The following PCED1B variants were observed in gnomAD, a reference collection of about 807,000 sequenced individuals.
The protein encoded by PCED1B is PC-esterase domain containing 1B.
For missense variants in PCED1B, 573 were observed against 573.9 expected, an observed-to-expected ratio of 1.00 and a Z score of 0.02; for synonymous variants, 251 against 246.1, an observed-to-expected ratio of 1.02 and a Z score of -0.19.
chr12:47,202,391 T>C (rs1206496751), intron 2 of PCED1B, among the ~76,000 whole-genome samples: 1 of 152,088 alleles, frequency 6.6e-6, no homozygotes, highest in African/African-American at 2.4e-5. Flanking sequence ...AAACCATTAC[T>C]GGCTTTTGCT....
At chr12:47,222,594 TC>T (rs1456353641) in intron 3 of PCED1B, among the ~76,000 whole-genome samples, 1 of 152,130 alleles carries the variant, frequency 6.6e-6, no homozygotes, top group African/African-American at 2.4e-5. Flanking sequence ...ATAGCTACAT[TC>T]ACTGAGCACT....
chr12:47,143,052 C>A (rs1026870436), intron 2 of PCED1B, among the ~76,000 whole-genome samples: 1 of 152,012 alleles, frequency 6.6e-6, no homozygotes, highest in African/African-American at 2.4e-5. Context: ...GGTATAGAAA[C>A]AATTTACCTC....
intron 2 of PCED1B, among the ~76,000 whole-genome samples, chr12:47,127,716 A>G (rs1203825242): frequency 1.3e-5 from 2 of 152,120 alleles, no homozygotes; most frequent in African/African-American, 2.4e-5. Flanking sequence ...TATACTTTAT[A>G]AAACTTAAAT....
At chr12:47,150,643 C>T (rs1940956684) in intron 2 of PCED1B, among the ~76,000 whole-genome samples, 1 of 151,194 alleles carries the variant, frequency 6.6e-6, no homozygotes, top group Non-Finnish European at 1.5e-5. Context: ...AAGTGGGGGA[C>T]TCACCCATGT....
At chr12:47,088,744 G>A (rs1938109159) in intron 1 of PCED1B, among the ~76,000 whole-genome samples, 1 of 152,198 alleles carries the variant, frequency 6.6e-6, no homozygotes, top group Non-Finnish European at 1.5e-5. Flanking sequence ...ACAAGTTGCT[G>A]AAGGATGAGT....
intron 1 of PCED1B, among the ~76,000 whole-genome samples, chr12:47,092,881 G>A (rs372747107): frequency 4.6e-5 from 7 of 152,182 alleles, no homozygotes; most frequent in African/African-American, 1.7e-4. Context: ...TGTATCAATG[G>A]ATTTGGCTTC....
At chr12:47,229,616 T>G (rs572054097) in intron 3 of PCED1B, among the ~76,000 whole-genome samples, 1 of 152,260 alleles carries the variant, frequency 6.6e-6, no homozygotes, top group African/African-American at 2.4e-5. Flanking sequence ...TACAATACTT[T>G]AAATTTTGTG....
chr12:47,225,267 C>T (rs541846704), intron 3 of PCED1B, among the ~76,000 whole-genome samples: 5 of 152,166 alleles, frequency 3.3e-5, no homozygotes, highest in Non-Finnish European at 7.3e-5. Context: ...TTTACCACAG[C>T]ATAGCATCTC....
chr12:47,229,646 G>A (rs1361880692), intron 3 of PCED1B, among the ~76,000 whole-genome samples: 1 of 152,146 alleles, frequency 6.6e-6, no homozygotes, highest in Non-Finnish European at 1.5e-5. Flanking sequence ...AAGTTTGTGT[G>A]CATTGAACCA....
chr12:47,212,209 G>A (rs184354144), intron 2 of PCED1B, among the ~76,000 whole-genome samples: 1 of 152,132 alleles, frequency 6.6e-6, no homozygotes, highest in Non-Finnish European at 1.5e-5. Flanking sequence ...GAGCCCGGAG[G>A]TGGAGGTTTC....
At position 47,136,106 on chromosome 12, in the gene PCED1B, A is replaced by G. The variant is rs1940361008; in HGVS notation, c.-526+31911A>G. On this transcript the variant is annotated intron_variant, in intron 2 of 3. Transcript: ENST00000546455. ...CTTTCTTTTTTTTTTTTTTTGGCCAATTTGATAGATATATCATGTTTTGGT... is the reference window on the plus strand; with the variant it reads ...CTTTCTTTTTTTTTTTTTTTGGCCAGTTTGATAGATATATCATGTTTTGGT... 5.0e-5 allele frequency among the ~76,000 whole-genome samples: 5 copies of G among 99,454 alleles called. No homozygotes were observed. In the South Asian group the frequency reaches 1.3e-3, roughly 25 times the overall value. 65.2% of individuals were successfully genotyped at this position (99,454 alleles called of 152,430 possible).
intron 2 of PCED1B, among the ~76,000 whole-genome samples, chr12:47,141,897 ACCC>A (rs1202505642): frequency 2.0e-3 from 306 of 152,102 alleles, no homozygotes; most frequent in African/African-American, 7.1e-3. Context: ...CCACCAAAGG[ACCC>A]AGGAGGAGGC....
intron 3 of PCED1B, among the ~76,000 whole-genome samples, chr12:47,217,262 C>T (rs1235921859): frequency 1.3e-5 from 2 of 151,428 alleles, no homozygotes; most frequent in African/African-American, 4.9e-5. Flanking sequence ...ATTAGCCAGG[C>T]ATGGTGGCAC....
At chr12:47,128,803 G>T (rs1330580634) in intron 2 of PCED1B, among the ~76,000 whole-genome samples, 1 of 152,330 alleles carries the variant, frequency 6.6e-6, no homozygotes. Context: ...CTTCTGAGTT[G>T]AATTATATGT....
At chr12:47,222,734 T>G (rs1367679314) in intron 3 of PCED1B, among the ~76,000 whole-genome samples, 1 of 151,678 alleles carries the variant, frequency 6.6e-6, no homozygotes, top group Non-Finnish European at 1.5e-5. Flanking sequence ...GGTTGCTTAA[T>G]AGGCCCAGGG....
At chr12:47,137,057 AC>A (rs1940403793) in intron 2 of PCED1B, among the ~76,000 whole-genome samples, 1 of 152,234 alleles carries the variant, frequency 6.6e-6, no homozygotes, top group Non-Finnish European at 1.5e-5. Flanking sequence ...TATTTTGCAA[AC>A]TATGCAACAC....
chr12:47,152,629 A>T (rs1288496563), intron 2 of PCED1B, among the ~76,000 whole-genome samples: 1 of 152,188 alleles, frequency 6.6e-6, no homozygotes, highest in African/African-American at 2.4e-5. Flanking sequence ...CATCAATGTT[A>T]TCTTCTAAAA....
chr12:47,139,379 G>C (rs1262219555), intron 2 of PCED1B, among the ~76,000 whole-genome samples: 35 of 133,078 alleles, frequency 2.6e-4, no homozygotes, highest in Non-Finnish European at 6.1e-4. Flanking sequence ...CCTGCACTGG[G>C]GGAGGGTCAG....
At chr12:47,100,030 C>T (rs553583925) in intron 1 of PCED1B, among the ~76,000 whole-genome samples, 1 of 152,338 alleles carries the variant, frequency 6.6e-6, no homozygotes, top group East Asian at 1.9e-4. Flanking sequence ...GAAAAAGGAC[C>T]ATTCTCACAG....
Sources: allele counts gnomAD v4.1 joint callset (sites outside exome capture counted in the v4.1 genomes callset), GRCh38; gene constraint gnomAD v4.1.1; transcripts MANE v1.5; gene names NCBI Gene and HGNC (gene_info 2026-07-23, HGNC 2026-07-21).